USP20: variants seen among roughly 807,000 people sequenced by gnomAD.
USP20 encodes the protein ubiquitin specific peptidase 20.
USP20 carries 80 observed loss-of-function variants against 124.2 expected under a neutral mutation model. The observed-to-expected ratio is 0.64, with a 90% confidence interval of 0.54 to 0.78. The LOEUF is 0.78. USP20 is among the 30% of genes least tolerant of loss of function. USP20 has a pLI of 0.00. For synonymous variants in USP20, 481 were observed against 512.3 expected (o/e 0.94, Z 0.83); for missense variants, 1,043 against 1,244.4 (o/e 0.84, Z 2.44).
chr9:129,870,403 G>C, intron 14 of USP20, 50 bp from the exon 15 acceptor site: 1 of 1,592,310 alleles, frequency 6.3e-7, no homozygotes, highest in East Asian at 2.2e-5. Context: ...TTCAGCTCCT[G>C]TTCTTGCCCA....
chr9:129,854,439 G>C, intron 3 of USP20, among the ~76,000 whole-genome samples: 1 of 152,118 alleles, frequency 6.6e-6, no homozygotes, highest in East Asian at 1.9e-4. Context: ...GTACAGACTT[G>C]GGTGACCCTC....
At chr9:129,840,906 G>A (rs1196620996) in intron 1 of USP20, among the ~76,000 whole-genome samples, 2 of 151,956 alleles carry the variant, frequency 1.3e-5, no homozygotes, top group Non-Finnish European at 2.9e-5. Context: ...GAGTAGCTGG[G>A]ACTACAGGTG....
At position 129,850,815 on chromosome 9, in the gene USP20, C is replaced by T. The variant is rs112362557; in HGVS notation, c.-17+891C>T. On this transcript the variant is annotated intron_variant, in intron 2 of 25. Coordinates refer to ENST00000372429, the MANE Select transcript of USP20 (RefSeq NM_001110303.4). ...GGATTATAGGCTTGTGCATCATGCCCGGCTAATTTTGTATTTTTAGTAGAG... is the reference window on the plus strand; with the variant it reads ...GGATTATAGGCTTGTGCATCATGCCTGGCTAATTTTGTATTTTTAGTAGAG... Among the ~76,000 whole-genome samples the T allele has an allele frequency of 2.6e-3, 388 of 152,078 alleles. 4 individuals carry two copies. Among genetic ancestry groups the T allele is most frequent in the African/African-American group, 8.6e-3 (355 of 41,472 alleles).
rs1169343917 is a variant in USP20 at position 129,839,583 on chromosome 9, G to T, written c.-129+4084G>T. Among the ~76,000 whole-genome samples, 7 of 151,964 alleles carry T rather than the reference G, an allele frequency of 4.6e-5. No individual in the cohort carries two copies. The highest frequency in any genetic ancestry group is 4.6e-4 in the Admixed American group (7 of 15,270). Reference sequence around the variant, plus strand: ...GGAGGGAGAGAAAGGGTGTGCGAGGGCCAGAGGGGACTGTGGAGGGGGTGG... The same window carrying T: ...GGAGGGAGAGAAAGGGTGTGCGAGGTCCAGAGGGGACTGTGGAGGGGGTGG... On this transcript the variant is annotated intron_variant, in intron 1 of 25. Transcript: ENST00000372429. This position sits in a 1 kb window ranked among gnomAD's most constrained non-coding sequence, Gnocchi z 4.5.
intron 3 of USP20, among the ~76,000 whole-genome samples, chr9:129,852,990 A>AAGCTGGGCCTCTTCTCAG (rs1451662576): frequency 3.5e-4 from 54 of 152,244 alleles, no homozygotes; most frequent in African/African-American, 1.1e-3. Context: ...CCTGAGCAGG[A>AAGCTGGGCCTCTTCTCAG]AGCTGGGCCT....
chr9:129,877,091 G>T (rs931265774), intron 22 of USP20, among the ~76,000 whole-genome samples: 2 of 152,174 alleles, frequency 1.3e-5, no homozygotes, highest in East Asian at 3.9e-4. Flanking sequence ...CTGTGAGGGA[G>T]CTGAGTGCAG....
At chr9:129,858,028 C>T (rs768516392) in intron 4 of USP20, 22 bp from the exon 5 acceptor site, 7 of 1,610,868 alleles carry the variant, frequency 4.3e-6, no homozygotes, top group Non-Finnish European at 5.9e-6. Flanking sequence ...CTCCAGTCCA[C>T]TCTCCTTCCC....
At chr9:129,858,672 C>A in intron 6 of USP20, 74 bp downstream of exon 6, 1 of 1,576,320 alleles carries the variant, frequency 6.3e-7, no homozygotes, top group Non-Finnish European at 8.6e-7. Context: ...ACCTGAGCAT[C>A]CGTGGAGCAT....
At chr9:129,838,610 C>CT (rs1412361483) in intron 1 of USP20, among the ~76,000 whole-genome samples, 1 of 152,184 alleles carries the variant, frequency 6.6e-6, no homozygotes, top group African/African-American at 2.4e-5. Context: ...CCTTTAAACT[C>CT]TGAGATTGCA....
intron 3 of USP20, among the ~76,000 whole-genome samples, chr9:129,854,901 T>C (rs1293713975): frequency 2.0e-5 from 3 of 152,012 alleles, no homozygotes; most frequent in Non-Finnish European, 4.4e-5. Context: ...GTAGTGACAA[T>C]GAGAAGGAGG....
At chr9:129,875,203 G>T (rs2034330032) in intron 19 of USP20, 107 bp from the exon 20 acceptor site, 2 of 1,314,536 alleles carry the variant, frequency 1.5e-6, no homozygotes, top group East Asian at 2.5e-5. Context: ...GACCCAGGAG[G>T]TGGTGGACAG....
intron 1 of USP20, among the ~76,000 whole-genome samples, chr9:129,844,650 T>C (rs1416686248): frequency 6.8e-6 from 1 of 146,488 alleles, no homozygotes; most frequent in Non-Finnish European, 1.5e-5. Context: ...AAAAAAAAAT[T>C]ATATATTCGT....
At position 129,875,366 on chromosome 9, in the gene USP20, T is replaced by G; in HGVS notation, c.2105T>G (p.Met702Arg). Residue 702 changes from methionine to arginine, a missense_variant, in exon 20 of 26, where the codon ATG becomes AGG. Transcript: ENST00000372429. Reference sequence around the variant, plus strand: ...CAGCAGGTGGTGTCCCTGGCCGCCATGCGGGAGCCCAGCCTGCTGCGGTTC... The same window carrying G: ...CAGCAGGTGGTGTCCCTGGCCGCCAGGCGGGAGCCCAGCCTGCTGCGGTTC... The part of the protein sequence containing the change: ...ERQQVVSLAA[M>R]REPSLLRFYV... 1 of 1,613,098 alleles carries G rather than the reference T, an allele frequency of 6.2e-7. No homozygotes were observed. Among genetic ancestry groups the G allele is most frequent in the Non-Finnish European group, 8.5e-7 (1 of 1,179,840 alleles).
chr9:129,835,891 A>G (rs2031791784), intron 1 of USP20: 1 of 152,212 alleles, frequency 6.6e-6, no homozygotes, highest in South Asian at 2.1e-4. Flanking sequence ...GGAACAAAAG[A>G]TGACCACTTC....
intron 15 of USP20, among the ~76,000 whole-genome samples, chr9:129,871,066 C>T (rs1026593455): frequency 6.6e-6 from 1 of 152,048 alleles, no homozygotes; most frequent in Non-Finnish European, 1.5e-5. Context: ...AGAAAGTGCA[C>T]AGTCGAGTAG....
chr9:129,846,122 G>T (rs1554742552), intron 1 of USP20, among the ~76,000 whole-genome samples: 1 of 150,236 alleles, frequency 6.7e-6, no homozygotes, highest in Non-Finnish European at 1.5e-5. Flanking sequence ...GTAGAGACGG[G>T]GTCTCACCAT....
Position 129,867,995 on chromosome 9 carries a change from C to T in USP20, c.691-10C>T. On this transcript the variant is annotated splice_polypyrimidine_tract_variant and intron_variant, in intron 10 of 25. Transcript: ENST00000372429. ...CAGGGGAGCCCTGTTGATGCAGCCC[C>T]TGGTTCTAGGACACCCAAGAGTTCC... 6.2e-7 allele frequency: 1 copy of T among 1,606,978 alleles called. No individual in the cohort carries two copies.
At position 129,852,624 on chromosome 9, in the gene USP20, G is replaced by T; in HGVS notation, c.69G>T (p.Leu23=). 6.3e-7 allele frequency: 1 copy of T among 1,592,002 alleles called. No individual in the cohort carries two copies. Residue 23 remains leucine (L), a synonymous_variant, in exon 3 of 26, where the codon CTG becomes CTT. Transcript: ENST00000372429. ...SIGEVTKEDL[L]LKSKGTCQSC... ...GAGAGGTGACCAAAGAGGACTTGCT[G>T]CTCAAATCTAAGGTAAAGGGTCAGA...
chr9:129,849,274 G>A (rs977393670), intron 1 of USP20, among the ~76,000 whole-genome samples: 2 of 152,208 alleles, frequency 1.3e-5, no homozygotes, highest in African/African-American at 4.8e-5. Context: ...CTCCCTAGGA[G>A]GGGCTGCCCC....
Sources: gnomAD v4.1 joint callset for allele counts (sites outside exome capture counted in the v4.1 genomes callset) on GRCh38, gnomAD v4.1.1 for gene constraint, Gnocchi (gnomAD v3.1) non-coding constraint, MANE v1.5 for transcripts, NCBI Gene and HGNC (gene_info 2026-07-23, HGNC 2026-07-21) for gene names.